The following MAF variants were observed in gnomAD, a reference collection of about 807,000 sequenced individuals.
MAF encodes the protein transcription factor Maf.
In MAF, 10 loss-of-function variants were observed where a neutral mutation model predicts 22.0. The observed-to-expected ratio is 0.45, with a 90% confidence interval of 0.28 to 0.77. The LOEUF is 0.77. Ranked by LOEUF, MAF falls within the 30% of genes least tolerant of loss-of-function variation. The probability of loss-of-function intolerance (pLI) is 0.12; values close to 1 mark genes in which losing one functional copy is unlikely to be tolerated. For synonymous variants in MAF, 337 were observed against 255.8 expected, an observed-to-expected ratio of 1.32 and a Z score of -3.03; for missense variants, 544 against 548.4, an observed-to-expected ratio of 0.99 and a Z score of 0.08.
At chr16:79,355,484 A>G in the MAF span, among the ~76,000 whole-genome samples, 1 of 152,192 alleles carries the variant, frequency 6.6e-6, no homozygotes, top group Non-Finnish European at 1.5e-5. Flanking sequence ...ACCCCAAGGC[A>G]GAGAAGTGAG....
the MAF span, among the ~76,000 whole-genome samples, chr16:79,271,722 G>A: frequency 3.9e-4 from 59 of 152,362 alleles, no homozygotes; most frequent in Middle Eastern, 6.8e-3. Flanking sequence ...TTTGGAGCAT[G>A]TGATGTCTCT....
At chr16:79,335,337 C>T in the MAF span, among the ~76,000 whole-genome samples, 2 of 152,120 alleles carry the variant, frequency 1.3e-5, no homozygotes, top group African/African-American at 2.4e-5. Flanking sequence ...ACTGTGCTTA[C>T]TTCCTCGTAC....
the MAF span, among the ~76,000 whole-genome samples, chr16:79,335,746 C>T: frequency 1.3e-5 from 2 of 152,342 alleles, no homozygotes; most frequent in South Asian, 2.1e-4. Context: ...AGGAAGCGGA[C>T]ACCCACAAAC....
chr16:79,248,715 G>A, the MAF span, among the ~76,000 whole-genome samples: 1 of 151,862 alleles, frequency 6.6e-6, no homozygotes, highest in South Asian at 2.1e-4. Context: ...TGGGAACATG[G>A]TTTCATGCTG....
At chr16:79,582,512 C>G (rs567699856), downstream of MAF, among the ~76,000 whole-genome samples, 120 of 152,244 alleles carry the variant, frequency 7.9e-4, no homozygotes, top group South Asian at 2.5e-3. Flanking sequence ...AGGCTAGTTA[C>G]GCTGCACATG....
At chr16:79,472,308 A>G in the MAF span, among the ~76,000 whole-genome samples, 3 of 152,296 alleles carry the variant, frequency 2.0e-5, no homozygotes, top group East Asian at 5.8e-4. Context: ...CTACATAAAG[A>G]CTTCTATGTG....
chr16:79,439,913 G>C, the MAF span, among the ~76,000 whole-genome samples: 1 of 152,148 alleles, frequency 6.6e-6, no homozygotes, highest in African/African-American at 2.4e-5. Context: ...CAGGGACTTG[G>C]GTTGCTGCTG....
At chr16:79,554,090 A>AAAACAAAC in the MAF span, among the ~76,000 whole-genome samples, 137 of 121,112 alleles carry the variant, frequency 1.1e-3, 1 homozygote, top group African/African-American at 3.6e-3. Flanking sequence ...CTGCCTCTCA[A>AAAACAAAC]AAACAAACAA....
At chr16:79,518,613 G>C in the MAF span, among the ~76,000 whole-genome samples, 3 of 152,226 alleles carry the variant, frequency 2.0e-5, no homozygotes, top group Admixed American at 2.0e-4. Flanking sequence ...TTCCACATCT[G>C]TGAAATGCTG....
At chr16:79,520,717 G>T in the MAF span, among the ~76,000 whole-genome samples, 1 of 152,160 alleles carries the variant, frequency 6.6e-6, no homozygotes, top group Admixed American at 6.5e-5. Context: ...GTGCTTGGGT[G>T]GTCTTGGGCC....
chr16:79,202,820 C>G, the MAF span: 1 of 152,146 alleles, frequency 6.6e-6, no homozygotes, highest in Non-Finnish European at 1.5e-5. Flanking sequence ...CAGTTATTTA[C>G]AGTCTACATA....
chr16:79,489,653 A>C, the MAF span, among the ~76,000 whole-genome samples: 2 of 152,342 alleles, frequency 1.3e-5, no homozygotes, highest in Non-Finnish European at 2.9e-5. Flanking sequence ...AAAAGACAAC[A>C]TGGCCAAAGA....
chr16:79,365,472 C>T, the MAF span, among the ~76,000 whole-genome samples: 1 of 152,156 alleles, frequency 6.6e-6, no homozygotes, highest in Non-Finnish European at 1.5e-5. Flanking sequence ...ATTTGGTAAG[C>T]AACTGTTAAA....
the MAF span, among the ~76,000 whole-genome samples, chr16:79,416,237 C>T: frequency 1.3e-5 from 2 of 152,134 alleles, no homozygotes; most frequent in Non-Finnish European, 2.9e-5. Context: ...GCCTCTGATT[C>T]TGTTGTGGTC....
At chr16:79,538,121 T>C in the MAF span, among the ~76,000 whole-genome samples, 2 of 152,074 alleles carry the variant, frequency 1.3e-5, no homozygotes, top group Non-Finnish European at 2.9e-5. Context: ...TCAAAAACAA[T>C]TTTGAAAAAG....
At chr16:79,206,805 G>C in the MAF span, 1 of 152,044 alleles carries the variant, frequency 6.6e-6, no homozygotes. Context: ...TGGTCACCTA[G>C]CCAGGGAGGC....
the MAF span, among the ~76,000 whole-genome samples, chr16:79,296,886 T>C: frequency 3.3e-5 from 5 of 152,346 alleles, no homozygotes; most frequent in East Asian, 9.6e-4. Context: ...GTTCATTTGC[T>C]CTCAATGCCC....
At chr16:79,525,564 C>T in the MAF span, among the ~76,000 whole-genome samples, 1 of 152,134 alleles carries the variant, frequency 6.6e-6, no homozygotes, top group Non-Finnish European at 1.5e-5. Flanking sequence ...CCATGTTAAA[C>T]CCTTAAGATC....
chr16:79,487,131 G>T, the MAF span, among the ~76,000 whole-genome samples: 4 of 151,386 alleles, frequency 2.6e-5, no homozygotes, highest in South Asian at 6.3e-4. Context: ...TTTTAATTAG[G>T]TAAGTAGGAC....
Sources: allele counts gnomAD v4.1 joint callset (sites outside exome capture counted in the v4.1 genomes callset), GRCh38; gene constraint gnomAD v4.1.1; transcripts MANE v1.5; gene names NCBI Gene and HGNC (gene_info 2026-07-23, HGNC 2026-07-21).